FGD5: variants seen among roughly 807,000 people sequenced by gnomAD.
FGD5 encodes FYVE, RhoGEF and PH domain-containing protein 5.
In FGD5, 28 loss-of-function variants were observed where a neutral mutation model predicts 133.4. The ratio of observed to expected loss-of-function variants is 0.21; its 90% CI spans 0.16 to 0.29. FGD5 has a LOEUF of 0.29. Among genes scored for constraint, FGD5 ranks in the 10% least tolerant of loss-of-function variants. FGD5 has a pLI of 1.00. For synonymous variants in FGD5, 810 were observed against 776.5 expected (o/e 1.04, Z -0.72); for missense variants, 1,858 against 1,895.2 (o/e 0.98, Z 0.36).
intron 17 of FGD5, among the ~76,000 whole-genome samples, chr3:14,925,299 T>A (rs977505795): frequency 3.3e-5 from 5 of 152,168 alleles, no homozygotes; most frequent in African/African-American, 1.2e-4. Flanking sequence ...TTCATAGATC[T>A]TCTTTTTCTA....
intron 4 of FGD5, among the ~76,000 whole-genome samples, chr3:14,882,643 A>G (rs916444788): frequency 2.0e-5 from 3 of 150,980 alleles, no homozygotes; most frequent in Non-Finnish European, 4.4e-5. Flanking sequence ...GGTTGCAGTG[A>G]GCCGAGATCG....
At chr3:14,836,553 T>C (rs55851388) in intron 1 of FGD5, among the ~76,000 whole-genome samples, 75,837 of 152,060 alleles carry the variant, frequency 0.5, 19,453 homozygotes, top group Non-Finnish European at 0.54. Flanking sequence ...TGCCCGACTT[T>C]TGAGTTTTCT....
At chr3:14,903,208 G>A (rs971324348) in intron 9 of FGD5, among the ~76,000 whole-genome samples, 3 of 152,198 alleles carry the variant, frequency 2.0e-5, no homozygotes, top group South Asian at 2.1e-4. Context: ...CACCCCAGCC[G>A]CTGGTAACCA....
At chr3:14,812,012 GTGTGTGTGTGTGTGTGTGTATGTA>G (rs1428881521) in intron 1 of FGD5, among the ~76,000 whole-genome samples, 4 of 91,648 alleles carry the variant, frequency 4.4e-5, no homozygotes, top group Non-Finnish European at 7.1e-5. Context: ...GTGTGTGTGT[GTGTGTGTGTGTGTGTGTGTATGTA>G]TGTGTGTGTG....
chr3:14,901,197 G>A (rs1290205061), intron 9 of FGD5, 136 bp downstream of exon 9: 28 of 928,584 alleles, frequency 3.0e-5, no homozygotes, highest in East Asian at 2.0e-4. Context: ...GCAGAGAGCC[G>A]TGGGTTCTGG....
intron 9 of FGD5, among the ~76,000 whole-genome samples, chr3:14,901,556 C>T (rs1321312243): frequency 6.6e-6 from 1 of 152,234 alleles, no homozygotes; most frequent in African/African-American, 2.4e-5. Context: ...CGCATCCCAG[C>T]TCCATTCAGG....
At chr3:14,832,393 C>G (rs937112522) in intron 1 of FGD5, among the ~76,000 whole-genome samples, 4 of 152,068 alleles carry the variant, frequency 2.6e-5, no homozygotes, top group African/African-American at 4.8e-5. Context: ...CTTAGCAGAT[C>G]AGAAAACTAG....
At chr3:14,872,004 C>G (rs78171024) in intron 2 of FGD5, among the ~76,000 whole-genome samples, 13,091 of 152,228 alleles carry the variant, frequency 0.086, 767 homozygotes, top group East Asian at 0.31. Flanking sequence ...CCATACTTGC[C>G]GAACCCAGAT....
chr3:14,933,247 T>G lies in FGD5; in HGVS notation c.*80T>G. On this transcript the variant is annotated 3_prime_UTR_variant, in exon 20 of 20. Coordinates refer to ENST00000285046, the MANE Select transcript of FGD5 (RefSeq NM_152536.4). ...TTTAGAAGCTAAGCTGTGGCTCAACTCATCCGGACACACACCTGGATTCAG... is the reference window on the plus strand; with the variant it reads ...TTTAGAAGCTAAGCTGTGGCTCAACGCATCCGGACACACACCTGGATTCAG... 6.6e-7 allele frequency: 1 copy of G among 1,504,216 alleles called. No homozygotes were observed. The highest frequency in any genetic ancestry group is 9.1e-7 in the Non-Finnish European group (1 of 1,095,470). 93.2% of individuals were successfully genotyped at this position (1,504,216 alleles called of 1,614,324 possible).
chr3:14,921,500 AC>A (rs1490750400), intron 13 of FGD5: 1 of 193,516 alleles, frequency 5.2e-6, no homozygotes, highest in Non-Finnish European at 1.1e-5. Context: ...ACAGATGTTT[AC>A]CTTTGCCAGC....
At chr3:14,907,019 C>G (rs1174421204) in intron 9 of FGD5, among the ~76,000 whole-genome samples, 1 of 152,182 alleles carries the variant, frequency 6.6e-6, no homozygotes, top group African/African-American at 2.4e-5. Flanking sequence ...ATGGAAAGGA[C>G]TTTTCAGGGC....
chr3:14,896,252 C>G (rs982288405), intron 4 of FGD5, among the ~76,000 whole-genome samples: 2 of 152,112 alleles, frequency 1.3e-5, no homozygotes, highest in African/African-American at 4.8e-5. Context: ...TATCAAAATA[C>G]CAATGACATT....
In FGD5 at chr3:14,819,596, G is replaced by T. The variant is rs144016950; in HGVS notation, c.525G>T (p.Glu175Asp). Residue 175 changes from glutamate to aspartate, a missense_variant, in exon 1 of 20, where the codon GAG becomes GAT. Glu to Asp is a conservative substitution (Grantham distance 45). Transcript: ENST00000285046. This position sits in a 1 kb window ranked among gnomAD's most constrained non-coding sequence, Gnocchi z 4.1. ...EEEKLVQPHRECSLEDSGPWA... is the reference protein window; with the variant it reads ...EEEKLVQPHRDCSLEDSGPWA... Reference sequence around the variant, plus strand: ...AGAAGCTAGTGCAGCCACACAGGGAGTGCAGCCTGGAGGACAGTGGGCCTT... The same window carrying T: ...AGAAGCTAGTGCAGCCACACAGGGATTGCAGCCTGGAGGACAGTGGGCCTT... The T allele has an allele frequency of 8.7e-5, 135 of 1,551,538 alleles. No homozygotes were observed. The African/African-American group carries it at 1.2e-3, about 14-fold the overall frequency.
chr3:14,874,146 A>T (rs901318978), intron 2 of FGD5, among the ~76,000 whole-genome samples: 6 of 152,246 alleles, frequency 3.9e-5, no homozygotes, highest in African/African-American at 1.4e-4. Context: ...GATGTGAATG[A>T]ACTTGGAGGG....
At chr3:14,825,916 A>G (rs2036589582) in intron 1 of FGD5, among the ~76,000 whole-genome samples, 1 of 152,212 alleles carries the variant, frequency 6.6e-6, no homozygotes, top group Admixed American at 6.5e-5. Context: ...TGAGCTTCAC[A>G]AGGGGAAAGA....
At chr3:14,910,743 TCCC>T in intron 10 of FGD5, 115 bp from the exon 11 acceptor site, 1 of 807,338 alleles carries the variant, frequency 1.2e-6, no homozygotes, top group South Asian at 1.7e-5. Flanking sequence ...CTCAGGGGCC[TCCC>T]CTGCACCCTT....
At chr3:14,864,644 A>G (rs1327499366) in intron 2 of FGD5, among the ~76,000 whole-genome samples, 1 of 152,218 alleles carries the variant, frequency 6.6e-6, no homozygotes, top group African/African-American at 2.4e-5. Context: ...GAGATGTGTT[A>G]AAGGCTATCA....
intron 18 of FGD5, among the ~76,000 whole-genome samples, chr3:14,927,026 G>C (rs1159378866): frequency 6.6e-6 from 1 of 152,228 alleles, no homozygotes; most frequent in Admixed American, 6.5e-5. Flanking sequence ...GGAAGGACCT[G>C]CAACTGTGAA....
Position 14,917,406 on chromosome 3 carries a change from C to T in FGD5, c.3489+74C>T, listed in dbSNP as rs2038580436. On this transcript the variant is annotated intron_variant, in intron 12 of 19. Coordinates refer to ENST00000285046, the MANE Select transcript of FGD5 (RefSeq NM_152536.4). This position sits in a 1 kb window ranked among gnomAD's most constrained non-coding sequence, Gnocchi z 4.1. ...CAGGGGAGAAGGGGACAGCATCCTG[C>T]TCCCAGGAGCACCCAGACCAGCTGG... is the stretch of plus-strand genomic sequence containing the variant. 1 of 1,371,412 alleles carries T rather than the reference C, an allele frequency of 7.3e-7. No individual in the cohort carries two copies. The highest frequency in any genetic ancestry group is 1.0e-6 in the Non-Finnish European group (1 of 984,618). The allele number at this position is 1,371,412 out of a possible 1,614,324, so 85.0% of individuals were successfully genotyped here.
Sources: allele counts gnomAD v4.1 joint callset (sites outside exome capture counted in the v4.1 genomes callset), GRCh38; gene constraint gnomAD v4.1.1; non-coding constraint Gnocchi (gnomAD v3.1); transcripts MANE v1.5; gene names NCBI Gene and HGNC (gene_info 2026-07-23, HGNC 2026-07-21).